The following MSRA variants were observed in gnomAD, a reference collection of about 807,000 sequenced individuals.
MSRA encodes mitochondrial peptide methionine sulfoxide reductase.
In MSRA, 54 loss-of-function variants were observed where a neutral mutation model predicts 31.3. That is an observed-to-expected ratio of 1.73 (90% CI 1.39 to 2.17). MSRA has a LOEUF of 2.17. Ranked by LOEUF, MSRA falls within the 30% of genes most tolerant of loss-of-function variation. MSRA has a pLI of 0.00. For missense variants in MSRA, 507 were observed against 300.9 expected, an observed-to-expected ratio of 1.69 and a Z score of -5.07; for synonymous variants, 169 against 116.5, an observed-to-expected ratio of 1.45 and a Z score of -2.90.
chr8:10,393,985 C>T (rs957006976), intron 5 of MSRA, among the ~76,000 whole-genome samples: 1 of 152,204 alleles, frequency 6.6e-6, no homozygotes, highest in African/African-American at 2.4e-5. Context: ...TGTAAGCTTT[C>T]TGCAATCTGT....
intron 1 of MSRA, among the ~76,000 whole-genome samples, chr8:10,101,448 C>G (rs1799522890): frequency 6.6e-6 from 1 of 152,132 alleles, no homozygotes; most frequent in Admixed American, 6.5e-5. Flanking sequence ...CATTGTTATG[C>G]TGCCATTACC....
chr8:10,154,470 C>T (rs1011339420), intron 1 of MSRA, among the ~76,000 whole-genome samples: 3 of 152,070 alleles, frequency 2.0e-5, no homozygotes, highest in Admixed American at 6.5e-5. Flanking sequence ...CTCTGCCTTC[C>T]AGGTTCATGC....
intron 2 of MSRA, among the ~76,000 whole-genome samples, chr8:10,229,272 G>A (rs1049852633): frequency 6.6e-6 from 1 of 152,146 alleles, no homozygotes; most frequent in African/African-American, 2.4e-5. Context: ...ATATGAAGAC[G>A]CATTAAGCTT....
At chr8:10,102,897 C>G (rs1043090816) in intron 1 of MSRA, among the ~76,000 whole-genome samples, 1 of 152,020 alleles carries the variant, frequency 6.6e-6, no homozygotes, top group South Asian at 2.1e-4. Context: ...GTGCAGTAAC[C>G]TGGACAGTGT....
intron 2 of MSRA, among the ~76,000 whole-genome samples, chr8:10,235,703 C>T (rs1265296569): frequency 6.6e-6 from 1 of 152,074 alleles, no homozygotes; most frequent in Non-Finnish European, 1.5e-5. Context: ...CTCCAAAGTC[C>T]AGGTGCTTCA....
chr8:10,249,346 T>C (rs1382448041), intron 3 of MSRA, among the ~76,000 whole-genome samples: 1 of 152,130 alleles, frequency 6.6e-6, no homozygotes, highest in East Asian at 1.9e-4. Context: ...CCAAATTGAG[T>C]TAACCTCGGG....
At chr8:10,067,275 A>G (rs181112068) in intron 1 of MSRA, among the ~76,000 whole-genome samples, 199 of 152,252 alleles carry the variant, frequency 1.3e-3, no homozygotes, top group African/African-American at 4.3e-3. Context: ...ATTATATAGT[A>G]TATAGCCTTT....
intron 2 of MSRA, among the ~76,000 whole-genome samples, chr8:10,222,230 A>T (rs1300495592): frequency 1.3e-5 from 2 of 152,166 alleles, no homozygotes; most frequent in East Asian, 3.8e-4. Flanking sequence ...ATAATAATAC[A>T]AAAAAAGCTT....
chr8:10,083,095 T>C lies in MSRA; in HGVS notation c.142+28437T>C, dbSNP rs1054759371. Among the ~76,000 whole-genome samples the C allele has an allele frequency of 2.8e-5, 4 of 143,504 alleles. No individual in the cohort carries two copies. In the East Asian group the frequency reaches 1.1e-3, roughly 40 times the overall value. The allele number at this position is 143,504 out of a possible 152,430, so 94.1% of individuals were successfully genotyped here. On this transcript the variant is annotated intron_variant, in intron 1 of 5. Coordinates refer to ENST00000317173, the MANE Select transcript of MSRA (RefSeq NM_012331.5). ...ATACTTACATTCTTTGTTGCATACA[T>C]AGCATTTAAATTGTGACTCTCATCC...
rs184349804 is a variant in MSRA at position 10,187,171 on chromosome 8, A to G, written c.143-20662A>G. The stretch of plus-strand genomic sequence containing the variant: ...TGTGAGAACTTCGGGAAATGGTACG[A>G]CCAGCCGCTGATTGAGCCCCCTTTG... On this transcript the variant is annotated intron_variant, in intron 1 of 5. Coordinates refer to ENST00000317173, the MANE Select transcript of MSRA (RefSeq NM_012331.5). Among the ~76,000 whole-genome samples, 32 of 152,314 alleles carry G rather than the reference A, an allele frequency of 2.1e-4. 1 individual carries two copies. The highest frequency in any genetic ancestry group is 1.0e-3 in the Admixed American group (16 of 15,306).
chr8:10,076,870 G>A (rs1292726402), intron 1 of MSRA, among the ~76,000 whole-genome samples: 2 of 151,990 alleles, frequency 1.3e-5, no homozygotes, highest in East Asian at 1.9e-4. Flanking sequence ...AGGATGGGGG[G>A]CTGGGGAAGA....
chr8:10,285,971 G>C (rs1468796640), intron 3 of MSRA, among the ~76,000 whole-genome samples: 1 of 152,134 alleles, frequency 6.6e-6, no homozygotes, highest in Non-Finnish European at 1.5e-5. Context: ...TTTGGGAACA[G>C]TCACAACTAA....
chr8:10,186,679 G>C (rs1177994600), intron 1 of MSRA, among the ~76,000 whole-genome samples: 1 of 152,184 alleles, frequency 6.6e-6, no homozygotes, highest in Non-Finnish European at 1.5e-5. Flanking sequence ...AACTGCAGGT[G>C]AAAGGCTTTG....
intron 3 of MSRA, among the ~76,000 whole-genome samples, chr8:10,252,716 A>G (rs1185093434): frequency 1.3e-5 from 2 of 152,216 alleles, no homozygotes; most frequent in Non-Finnish European, 2.9e-5. Flanking sequence ...TCCACGAAGC[A>G]TGGGCTGCAG....
intron 1 of MSRA, chr8:10,058,921 A>G (rs1427042452): frequency 6.6e-6 from 1 of 152,170 alleles, no homozygotes; most frequent in Non-Finnish European, 1.5e-5. Context: ...TTAATGTTTA[A>G]TTTCTCCCAG....
intron 5 of MSRA, among the ~76,000 whole-genome samples, chr8:10,354,549 C>T (rs566574027): frequency 1.8e-4 from 27 of 152,128 alleles, no homozygotes; most frequent in African/African-American, 6.5e-4. Context: ...TGCTTCTATT[C>T]CTTTCTCTAT....
chr8:10,099,398 C>T (rs770857854), intron 1 of MSRA, among the ~76,000 whole-genome samples: 1 of 152,112 alleles, frequency 6.6e-6, no homozygotes, highest in Non-Finnish European at 1.5e-5. Flanking sequence ...AATTGCTGCC[C>T]ATAGGAATTC....
chr8:10,219,538 G>T (rs142951451), intron 2 of MSRA, among the ~76,000 whole-genome samples: 1 of 151,924 alleles, frequency 6.6e-6, no homozygotes, highest in Non-Finnish European at 1.5e-5. Flanking sequence ...GGCTGGGTGC[G>T]GTGGCTCACA....
At chr8:10,136,138 A>G (rs1802252444) in intron 1 of MSRA, among the ~76,000 whole-genome samples, 1 of 152,214 alleles carries the variant, frequency 6.6e-6, no homozygotes, top group African/African-American at 2.4e-5. Flanking sequence ...GCTGTAACTT[A>G]GAAGTCAACT....
Sources: gnomAD v4.1 joint callset for allele counts (sites outside exome capture counted in the v4.1 genomes callset) on GRCh38, gnomAD v4.1.1 for gene constraint, MANE v1.5 for transcripts, NCBI Gene and HGNC (gene_info 2026-07-23, HGNC 2026-07-21) for gene names.